The following ADAMTS16 variants were observed in gnomAD, a reference collection of about 807,000 sequenced individuals.
ADAMTS16 encodes the protein ADAM metallopeptidase with thrombospondin type 1 motif 16.
ADAMTS16 carries 94 observed loss-of-function variants against 145.8 expected under a neutral mutation model. The ratio of observed to expected loss-of-function variants is 0.64; its 90% CI spans 0.55 to 0.77. ADAMTS16 has a LOEUF of 0.77. Among genes scored for constraint, ADAMTS16 ranks in the 30% least tolerant of loss-of-function variants. ADAMTS16 has a pLI of 0.00. For synonymous variants in ADAMTS16, 659 were observed against 604.3 expected (o/e 1.09, Z -1.33); for missense variants, 1,585 against 1,591.5 (o/e 1.00, Z 0.07).
At chr5:5,179,873 T>A (rs1735293720) in intron 3 of ADAMTS16, among the ~76,000 whole-genome samples, 1 of 152,172 alleles carries the variant, frequency 6.6e-6, no homozygotes. Context: ...TCACCCCCAG[T>A]GGTAACACTG....
chr5:5,282,196 T>C (rs1195667491), intron 18 of ADAMTS16, among the ~76,000 whole-genome samples: 1 of 152,202 alleles, frequency 6.6e-6, no homozygotes, highest in Non-Finnish European at 1.5e-5. Flanking sequence ...CATTGATTTG[T>C]GGCTGTTACA....
intron 18 of ADAMTS16, among the ~76,000 whole-genome samples, chr5:5,302,593 A>G (rs1473922816): frequency 6.6e-6 from 1 of 152,230 alleles, no homozygotes; most frequent in Non-Finnish European, 1.5e-5. Flanking sequence ...TAACAAATAC[A>G]TTGAACATAA....
chr5:5,200,139 A>T lies in ADAMTS16; in HGVS notation c.1321A>T (p.Met441Leu). The change falls in exon 9 of 23, where the codon ATG (methionine) becomes TTG (leucine). Residue 441 changes from methionine to leucine, a missense_variant. Around this residue, in one of 3 missense-constraint regions of ADAMTS16, gnomAD observed 298 missense variants for 367.6 expected, o/e 0.81. Coordinates refer to ENST00000274181, the MANE Select transcript of ADAMTS16 (RefSeq NM_139056.4). Reference sequence around the variant, plus strand: ...TCTCTCTCTCTCTCATAGCTTTGGCATGATTCATGATGGAGAAGGGAACAT... The same window carrying T: ...TCTCTCTCTCTCTCATAGCTTTGGCTTGATTCATGATGGAGAAGGGAACAT... ...IAHESGHNFG[M>L]IHDGEGNMCK... 6.2e-7 allele frequency: 1 copy of T among 1,608,510 alleles called. No homozygotes were observed. Among genetic ancestry groups the T allele is most frequent in the Non-Finnish European group, 8.5e-7 (1 of 1,177,110 alleles).
At chr5:5,186,802 T>G (rs748040648) in intron 5 of ADAMTS16, among the ~76,000 whole-genome samples, 1 of 152,248 alleles carries the variant, frequency 6.6e-6, no homozygotes, top group African/African-American at 2.4e-5. Flanking sequence ...CTAAGCCTCA[T>G]TTCATGTAAG....
intron 8 of ADAMTS16, among the ~76,000 whole-genome samples, chr5:5,194,489 T>G (rs2126582104): frequency 6.6e-6 from 1 of 152,284 alleles, no homozygotes; most frequent in East Asian, 1.9e-4. Flanking sequence ...TGTGGAATAT[T>G]CAGCAAATGT....
At position 5,242,270 on chromosome 5, in the gene ADAMTS16, A is replaced by G; in HGVS notation, c.2662+79A>G. 3 of 1,550,840 alleles carry G rather than the reference A, an allele frequency of 1.9e-6. No homozygotes were observed. In the Admixed American group the frequency reaches 5.5e-5, roughly 28 times the overall value. ...GCGTACATTGCACTGGCCTTTCTTG[A>G]ATCCTAATGAGCAGCCCGGGGCTTC... On this transcript the variant is annotated intron_variant, in intron 17 of 22. Coordinates refer to ENST00000274181, the MANE Select transcript of ADAMTS16 (RefSeq NM_139056.4).
chr5:5,244,919 A>G (rs745421911), intron 17 of ADAMTS16, among the ~76,000 whole-genome samples: 1 of 152,174 alleles, frequency 6.6e-6, no homozygotes, highest in Non-Finnish European at 1.5e-5. Flanking sequence ...CCCTTGATCT[A>G]TGTTTGGAGG....
chr5:5,172,301 C>T (rs1213112987), intron 3 of ADAMTS16, among the ~76,000 whole-genome samples: 32 of 151,390 alleles, frequency 2.1e-4, no homozygotes, highest in Admixed American at 2.1e-3. Context: ...GTTTTGTTTG[C>T]TCTTGCTTTT....
intron 12 of ADAMTS16, among the ~76,000 whole-genome samples, chr5:5,233,241 A>G (rs1482581574): frequency 6.6e-6 from 1 of 152,234 alleles, no homozygotes; most frequent in African/African-American, 2.4e-5. Flanking sequence ...TACCTTCACA[A>G]CAGGAGGTTT....
intron 17 of ADAMTS16, among the ~76,000 whole-genome samples, chr5:5,259,771 G>A (rs1359483081): frequency 6.6e-6 from 1 of 152,230 alleles, no homozygotes; most frequent in Non-Finnish European, 1.5e-5. Flanking sequence ...TTCTTGTTAG[G>A]AACAAAAGGA....
intron 13 of ADAMTS16, among the ~76,000 whole-genome samples, chr5:5,236,550 G>A (rs1300596909): frequency 2.0e-5 from 3 of 151,696 alleles, no homozygotes. Context: ...GAAATTCAGT[G>A]ATGTTTTTGA....
chr5:5,317,862 G>A lies in ADAMTS16; in HGVS notation c.3412-272G>A, dbSNP rs116554495. On this transcript the variant is annotated intron_variant, in intron 21 of 22. Coordinates refer to ENST00000274181, the MANE Select transcript of ADAMTS16 (RefSeq NM_139056.4). This position sits in a 1 kb window ranked among gnomAD's most constrained non-coding sequence, Gnocchi z 4.5. ...TGTCTTCTATCTGAAAACAGGAAGG[G>A]TTCCAGGAGCTATGTCAGCTGGTTG... 2.6e-5 allele frequency among the ~76,000 whole-genome samples: 4 copies of A among 152,184 alleles called. No individual in the cohort carries two copies. The highest frequency in any genetic ancestry group is 5.9e-5 in the Non-Finnish European group (4 of 68,036).
At chr5:5,251,912 A>G (rs1480750741) in intron 17 of ADAMTS16, among the ~76,000 whole-genome samples, 3 of 151,944 alleles carry the variant, frequency 2.0e-5, no homozygotes, top group Non-Finnish European at 4.4e-5. Context: ...GCTGGAGTGC[A>G]GTGGCGCGAC....
chr5:5,303,304 G>T lies in ADAMTS16; in HGVS notation c.2826G>T (p.Thr942=). 6.3e-7 allele frequency: 1 copy of T among 1,595,758 alleles called. No individual in the cohort carries two copies. Among genetic ancestry groups the T allele is most frequent in the Non-Finnish European group, 8.6e-7 (1 of 1,169,250 alleles). Residue 942 remains threonine (T), a synonymous_variant, in exon 19 of 23, where the codon ACG becomes ACT. Coordinates refer to ENST00000274181, the MANE Select transcript of ADAMTS16 (RefSeq NM_139056.4). ...GGAACTGGAGTGCCTGCAGTCGGACGTGTGGCGGGGGTGCCCAGAGCCGCC... is the reference window on the plus strand; with the variant it reads ...GGAACTGGAGTGCCTGCAGTCGGACTTGTGGCGGGGGTGCCCAGAGCCGCC... ...SVGNWSACSR[T]CGGGAQSRPV... is the part of the protein sequence containing the mutation.
At chr5:5,168,953 T>G (rs970865994) in intron 3 of ADAMTS16, among the ~76,000 whole-genome samples, 4 of 151,494 alleles carry the variant, frequency 2.6e-5, no homozygotes, top group African/African-American at 9.7e-5. Context: ...AATAGTACTG[T>G]GCAGTGCCGC....
chr5:5,189,537 A>C (rs574921405), intron 6 of ADAMTS16, among the ~76,000 whole-genome samples: 62 of 152,354 alleles, frequency 4.1e-4, no homozygotes, highest in African/African-American at 1.5e-3. Flanking sequence ...ATTTATTGGA[A>C]ATCCCACTTG....
chr5:5,283,944 A>G lies in ADAMTS16; in HGVS notation c.2790-19324A>G, dbSNP rs114862798. ...TTCTTTATAATTTTTTATACATTTCATAAGATTGGTCTATGATATTATTTG... is the reference window on the plus strand; with the variant it reads ...TTCTTTATAATTTTTTATACATTTCGTAAGATTGGTCTATGATATTATTTG... On this transcript the variant is annotated intron_variant, in intron 18 of 22. Transcript: ENST00000274181. Among the ~76,000 whole-genome samples the G allele has an allele frequency of 7.3e-3, 1,115 of 152,296 alleles. 19 individuals are homozygous for G. Among genetic ancestry groups the G allele is most frequent in the African/African-American group, 0.025 (1,044 of 41,566 alleles).
chr5:5,149,183 G>C (rs953205890), intron 3 of ADAMTS16, among the ~76,000 whole-genome samples: 1 of 152,148 alleles, frequency 6.6e-6, no homozygotes, highest in African/African-American at 2.4e-5. Context: ...GTTTACCCTG[G>C]TATTGCCACC....
intron 2 of ADAMTS16, 95 bp from the exon 3 acceptor site, chr5:5,146,035 A>AG: frequency 9.3e-7 from 1 of 1,076,840 alleles, no homozygotes; most frequent in South Asian, 1.6e-5. Flanking sequence ...CTGGGTGGAA[A>AG]GGTCATGTGG....
Sources: gnomAD v4.1 joint callset for allele counts (sites outside exome capture counted in the v4.1 genomes callset) on GRCh38, gnomAD v4.1.1 for gene constraint, gnomAD v4.1.1 regional missense constraint, Gnocchi (gnomAD v3.1) non-coding constraint, MANE v1.5 for transcripts, NCBI Gene and HGNC (gene_info 2026-07-23, HGNC 2026-07-21) for gene names.